ROBO2: variants seen among roughly 807,000 people sequenced by gnomAD.
ROBO2 encodes the protein roundabout homolog 2.
In ROBO2, 53 loss-of-function variants were observed where a neutral mutation model predicts 160.8. That is an observed-to-expected ratio of 0.33 (90% confidence interval 0.26 to 0.41). The LOEUF is 0.41. Ranked by LOEUF, ROBO2 falls within the 10% of genes least tolerant of loss-of-function variation. The pLI is 1.00. For synonymous variants in ROBO2, 664 were observed against 611.7 expected, an observed-to-expected ratio of 1.09 and a Z score of -1.26; for missense variants, 1,577 against 1,722.4, an observed-to-expected ratio of 0.92 and a Z score of 1.49.
intron 2 of ROBO2, among the ~76,000 whole-genome samples, chr3:76,020,110 A>G (rs994925168): frequency 6.6e-6 from 1 of 151,894 alleles, no homozygotes; most frequent in African/African-American, 2.4e-5. Context: ...TGAATGTATA[A>G]TTATCATTGT....
At chr3:76,483,381 T>C (rs1380846894) in intron 2 of ROBO2, among the ~76,000 whole-genome samples, 1 of 152,036 alleles carries the variant, frequency 6.6e-6, no homozygotes, top group East Asian at 1.9e-4. Context: ...CTTGGTATAT[T>C]GTGTGATGCT....
chr3:76,807,365 A>G (rs1030913032), intron 2 of ROBO2, among the ~76,000 whole-genome samples: 3 of 152,002 alleles, frequency 2.0e-5, no homozygotes, highest in African/African-American at 4.8e-5. Context: ...ATTAACCTAT[A>G]CAAATATCTC....
intron 2 of ROBO2, among the ~76,000 whole-genome samples, chr3:76,338,296 A>G (rs7633954): frequency 0.3 from 45,110 of 152,000 alleles, 7,014 homozygotes; most frequent in Non-Finnish European, 0.36. Flanking sequence ...GCAATAAGGT[A>G]CGTTGAAGTT....
chr3:77,115,407 A>T (rs1560041950), intron 2 of ROBO2, among the ~76,000 whole-genome samples: 1 of 152,178 alleles, frequency 6.6e-6, no homozygotes, highest in Non-Finnish European at 1.5e-5. Flanking sequence ...GTCATCTTCA[A>T]AGTTTTCATA....
chr3:76,152,560 G>A (rs1426102572), intron 2 of ROBO2, among the ~76,000 whole-genome samples: 1 of 151,990 alleles, frequency 6.6e-6, no homozygotes, highest in Admixed American at 6.6e-5. Context: ...GTGCATTTGT[G>A]TTAATGTTTA....
Position 76,715,710 on chromosome 3 carries a change from G to A in ROBO2, c.110-382304G>A, listed in dbSNP as rs1031495985. On this transcript the variant is annotated intron_variant, in intron 2 of 26. Coordinates refer to the ROBO2 transcript ENST00000487694. ...AAATCTATAATTATTGGCATTTGTG[G>A]GAATTGTTCTAAGAACATTTAGCCA... Among the ~76,000 whole-genome samples the A allele has an allele frequency of 9.2e-5, 14 of 152,194 alleles. 1 individual carries two copies. The Middle Eastern group carries it at 0.01, about 111-fold the overall frequency.
At chr3:76,544,613 C>T (rs945523205) in intron 2 of ROBO2, among the ~76,000 whole-genome samples, 2 of 151,890 alleles carry the variant, frequency 1.3e-5, no homozygotes, top group Admixed American at 6.6e-5. Context: ...TAGTTCTGTC[C>T]ACATAGTTGT....
intron 1 of ROBO2, among the ~76,000 whole-genome samples, chr3:77,058,558 G>A (rs965103893): frequency 2.6e-5 from 4 of 152,072 alleles, no homozygotes; most frequent in African/African-American, 9.7e-5. Flanking sequence ...TTGAGATAGG[G>A]TCTCACGCCT....
chr3:77,384,676 A>G (rs920976423), intron 2 of ROBO2, among the ~76,000 whole-genome samples: 2 of 152,214 alleles, frequency 1.3e-5, no homozygotes, highest in Non-Finnish European at 2.9e-5. Context: ...AACAAATAAG[A>G]TAATAAATTA....
chr3:76,599,444 C>A (rs1249322178), intron 2 of ROBO2, among the ~76,000 whole-genome samples: 1 of 151,964 alleles, frequency 6.6e-6, no homozygotes, highest in Non-Finnish European at 1.5e-5. Context: ...ATAGTGTATA[C>A]ATACCACATT....
At chr3:75,928,040 A>C (rs1324980390) in intron 1 of ROBO2, among the ~76,000 whole-genome samples, 1 of 127,560 alleles carries the variant, frequency 7.8e-6, no homozygotes, top group South Asian at 2.5e-4. Flanking sequence ...GCTGGAGTGC[A>C]GGGGCGCGAT....
chr3:76,143,904 G>A (rs911962432), intron 2 of ROBO2, among the ~76,000 whole-genome samples: 1 of 151,992 alleles, frequency 6.6e-6, no homozygotes, highest in African/African-American at 2.4e-5. Context: ...TAAGGTGGGA[G>A]AACAGTGTCT....
At chr3:76,013,221 C>T (rs759315852) in intron 2 of ROBO2, among the ~76,000 whole-genome samples, 1 of 131,856 alleles carries the variant, frequency 7.6e-6, no homozygotes, top group Non-Finnish European at 1.6e-5. Context: ...GTGACTGGTA[C>T]GGTGGCTTAT....
At chr3:76,488,181 G>A (rs1265767556) in intron 2 of ROBO2, among the ~76,000 whole-genome samples, 2 of 152,168 alleles carry the variant, frequency 1.3e-5, no homozygotes, top group African/African-American at 4.8e-5. Flanking sequence ...AAATGCAAAT[G>A]TATGACCTCA....
chr3:75,977,335 G>T (rs1027939192), intron 2 of ROBO2, among the ~76,000 whole-genome samples: 1 of 151,422 alleles, frequency 6.6e-6, no homozygotes, highest in Non-Finnish European at 1.5e-5. Context: ...CATGGTCTGT[G>T]CTTGGTAGAA....
chr3:75,977,238 G>A (rs1050814296), intron 2 of ROBO2, among the ~76,000 whole-genome samples: 2 of 151,436 alleles, frequency 1.3e-5, no homozygotes, highest in Non-Finnish European at 3.0e-5. Context: ...CACTTGATAG[G>A]TTCTGATACG....
chr3:77,170,462 T>C (rs940226926), intron 2 of ROBO2, among the ~76,000 whole-genome samples: 6 of 152,166 alleles, frequency 3.9e-5, no homozygotes, highest in African/African-American at 1.4e-4. Flanking sequence ...TCTGTAAGAA[T>C]CTGAGAGTTA....
At chr3:76,180,401 G>A (rs1361180932) in intron 2 of ROBO2, among the ~76,000 whole-genome samples, 1 of 152,116 alleles carries the variant, frequency 6.6e-6, no homozygotes, top group East Asian at 1.9e-4. Flanking sequence ...CCAACCAAAG[G>A]AGTCTCACAT....
At chr3:76,152,731 A>G (rs934471672) in intron 2 of ROBO2, among the ~76,000 whole-genome samples, 2 of 152,110 alleles carry the variant, frequency 1.3e-5, no homozygotes, top group African/African-American at 4.8e-5. Flanking sequence ...AATTATAAAT[A>G]CCTTTAAAGT....
Sources: allele counts gnomAD v4.1 joint callset (sites outside exome capture counted in the v4.1 genomes callset), GRCh38; gene constraint gnomAD v4.1.1; transcripts MANE v1.5; gene names NCBI Gene and HGNC (gene_info 2026-07-23, HGNC 2026-07-21).